The following HELQ variants were observed in gnomAD, a reference collection of about 807,000 sequenced individuals.
HELQ encodes the protein helicase, POLQ like.
A neutral mutation model predicts 111.6 loss-of-function variants in HELQ; 77 were observed. The observed-to-expected ratio is 0.69, with a 90% CI of 0.57 to 0.83. HELQ has a LOEUF of 0.83. Among genes scored for constraint, HELQ ranks in the 40% least tolerant of loss-of-function variants. The pLI, the probability that HELQ is intolerant of heterozygous loss-of-function variation, is 0.00. For synonymous variants in HELQ, 438 were observed against 454.7 expected, an observed-to-expected ratio of 0.96 and a Z score of 0.47; for missense variants, 1,200 against 1,288.5, an observed-to-expected ratio of 0.93 and a Z score of 1.05.
At chr4:83,452,040 T>C (rs1721407829) in intron 2 of HELQ, among the ~76,000 whole-genome samples, 1 of 152,232 alleles carries the variant, frequency 6.6e-6, no homozygotes, top group Non-Finnish European at 1.5e-5. Flanking sequence ...GCAGCAACTG[T>C]CCCTTCTTGG....
chr4:83,408,809 G>T (rs915787324), intron 17 of HELQ, among the ~76,000 whole-genome samples: 2 of 150,962 alleles, frequency 1.3e-5, no homozygotes, highest in African/African-American at 4.9e-5. Flanking sequence ...GGAAATAGAG[G>T]GTCTAAAATG....
chr4:83,422,564 C>T (rs1719595957), intron 14 of HELQ, among the ~76,000 whole-genome samples: 1 of 152,142 alleles, frequency 6.6e-6, no homozygotes, highest in South Asian at 2.1e-4. Context: ...ATCTATAAGC[C>T]AAGGAACACC....
chr4:83,451,223 T>C (rs1721344521), intron 2 of HELQ, among the ~76,000 whole-genome samples: 1 of 151,584 alleles, frequency 6.6e-6, no homozygotes, highest in Non-Finnish European at 1.5e-5. Context: ...GGCATGTCCT[T>C]AACACAGACT....
chr4:83,451,437 C>T (rs544792495), intron 2 of HELQ, among the ~76,000 whole-genome samples: 39 of 151,760 alleles, frequency 2.6e-4, no homozygotes, highest in African/African-American at 6.0e-4. Flanking sequence ...CTGAGGCAGG[C>T]GGATCACAAG....
chr4:83,448,727 T>G, intron 3 of HELQ, 56 bp downstream of exon 3: 3 of 1,412,734 alleles, frequency 2.1e-6, no homozygotes, highest in Non-Finnish European at 2.9e-6. Flanking sequence ...TTTACAGATC[T>G]TAACGTCAAA....
In HELQ at chr4:83,438,265, C is replaced by T. The variant is rs1720565966; in HGVS notation, c.1809-1168G>A. On this transcript the variant is annotated intron_variant, in intron 8 of 17. Coordinates refer to ENST00000295488, the MANE Select transcript of HELQ (RefSeq NM_133636.5). ...AAAGAAATCTCAGAAAATGATAAAACCACACATGGGACAAACAGGTGTATA... is the reference window on the plus strand; with the variant it reads ...AAAGAAATCTCAGAAAATGATAAAATCACACATGGGACAAACAGGTGTATA... 2.0e-5 allele frequency among the ~76,000 whole-genome samples: 3 copies of T among 152,108 alleles called. No homozygotes were observed. The South Asian group carries it at 6.2e-4, about 31-fold the overall frequency.
At position 83,453,690 on chromosome 4, in the gene HELQ, T is replaced by C. The variant is rs1481540950; in HGVS notation, c.553A>G (p.Ile185Val). The change falls in exon 2 of 18, where the codon ATT becomes GTT. Residue 185 changes from isoleucine to valine, a missense_variant. By Grantham distance (29) the Ile-to-Val change is conservative. Transcript: ENST00000295488. Reference protein sequence around the residue: ...ENQSGYEGVTIEPGADLLYDV... With the variant: ...ENQSGYEGVTVEPGADLLYDV... ...TACAAAAGATCAGCTCCAGGTTCAA[T>C]AGTGACACCTTCATATCCACTCTGG... The C allele has an allele frequency of 1.9e-6, 3 of 1,613,992 alleles. No homozygotes were observed. The highest frequency in any genetic ancestry group is 1.7e-6 in the Non-Finnish European group (2 of 1,179,942).
rs1336545434 is a variant in HELQ, at chr4:83,439,552, G to A, written c.1808+311C>T. 2.0e-5 allele frequency among the ~76,000 whole-genome samples: 3 copies of A among 151,252 alleles called. No homozygotes were observed. The East Asian group carries it at 5.9e-4, about 29-fold the overall frequency. On this transcript the variant is annotated intron_variant, in intron 8 of 17. Coordinates refer to ENST00000295488, the MANE Select transcript of HELQ (RefSeq NM_133636.5). ...TTTTTTGTATTTTTAGTAGAGATGG[G>A]GTTTCACCGTGTTGGCCAGGCTCGT...
At chr4:83,429,418 G>C (rs1409877276) in intron 12 of HELQ, 106 bp downstream of exon 12, 2 of 825,522 alleles carry the variant, frequency 2.4e-6, no homozygotes, top group Non-Finnish European at 3.8e-6. Flanking sequence ...CAGAGTGTTG[G>C]GATTACAGGC....
rs1164776702 is a variant in HELQ, at chr4:83,443,612, T to C, written c.1468A>G (p.Thr490Ala). The C allele has an allele frequency of 1.4e-6, 2 of 1,438,454 alleles. No individual in the cohort carries two copies. The highest frequency in any genetic ancestry group is 4.6e-5 in the East Asian group (2 of 43,656). The allele number at this position is 1,438,454 out of a possible 1,614,324, so 89.1% of individuals were successfully genotyped here. The change falls in exon 6 of 18, where the codon ACG (threonine) becomes GCG (alanine). Residue 490 changes from threonine (T) to alanine (A), a missense_variant and splice_region_variant. By Grantham distance (58) the Thr-to-Ala change is moderately conservative (BLOSUM62 0). Around this residue, in one of 3 missense-constraint regions of HELQ, gnomAD observed 610 missense variants for 607.1 expected, o/e 1.00. Coordinates refer to ENST00000295488, the MANE Select transcript of HELQ (RefSeq NM_133636.5). ...TLAKILYTSK[T>A]TQIIGMSATL... ...GCACTCATACCAATAATTTGAGTCG[T>C]TTCTAAAACACAAACAAACAAAAGC...
At chr4:83,434,242 G>A (rs1720324473) in intron 9 of HELQ, among the ~76,000 whole-genome samples, 1 of 151,136 alleles carries the variant, frequency 6.6e-6, no homozygotes, top group African/African-American at 2.4e-5. Flanking sequence ...GTGGTGGTGG[G>A]CGCCTGTAAT....
At position 83,455,763 on chromosome 4, in the gene HELQ, G is replaced by A; in HGVS notation, c.-70C>T. On this transcript the variant is annotated 5_prime_UTR_variant, in exon 1 of 18. Coordinates refer to ENST00000295488, the MANE Select transcript of HELQ (RefSeq NM_133636.5). Reference sequence around the variant, plus strand: ...AGACGCTAAGCCCATATGGAAGGGAGAGTGGGACGCCGGAGCCCGCTTCTA... The same window carrying A: ...AGACGCTAAGCCCATATGGAAGGGAAAGTGGGACGCCGGAGCCCGCTTCTA... 1 of 1,444,536 alleles carries A rather than the reference G, an allele frequency of 6.9e-7. No individual in the cohort carries two copies. The highest frequency in any genetic ancestry group is 1.2e-5 in the South Asian group (1 of 81,318). The allele number at this position is 1,444,536 out of a possible 1,614,324, so 89.5% of individuals were successfully genotyped here.
chr4:83,455,779 C>A lies in HELQ; in HGVS notation c.-86G>T. 1 of 1,314,118 alleles carries A rather than the reference C, an allele frequency of 7.6e-7. No individual in the cohort carries two copies. Among genetic ancestry groups the A allele is most frequent in the Non-Finnish European group, 1.1e-6 (1 of 949,194 alleles). The allele number at this position is 1,314,118 out of a possible 1,614,324, so 81.4% of individuals were successfully genotyped here. On this transcript the variant is annotated 5_prime_UTR_variant, in exon 1 of 18. Transcript: ENST00000295488. ...TGGAAGGGAGAGTGGGACGCCGGAGCCCGCTTCTACATCCACCTTGGGAAA... is the reference window on the plus strand; with the variant it reads ...TGGAAGGGAGAGTGGGACGCCGGAGACCGCTTCTACATCCACCTTGGGAAA...
At chr4:83,417,756 T>C (rs377549281) in intron 16 of HELQ, among the ~76,000 whole-genome samples, 7 of 152,102 alleles carry the variant, frequency 4.6e-5, no homozygotes, top group East Asian at 3.9e-4. Flanking sequence ...AAGCACTGAG[T>C]CCAAACTGAC....
intron 2 of HELQ, among the ~76,000 whole-genome samples, chr4:83,449,942 C>T (rs756354971): frequency 9.3e-5 from 14 of 150,052 alleles, no homozygotes; most frequent in Non-Finnish European, 1.9e-4. Flanking sequence ...TTTTCATGTA[C>T]GGTTGTGAGA....
chr4:83,454,049 C>T, intron 1 of HELQ, 104 bp from the exon 2 acceptor site: 1 of 734,966 alleles, frequency 1.4e-6, no homozygotes. Context: ...ACAGAAAATA[C>T]AAAAATTAGC....
intron 2 of HELQ, among the ~76,000 whole-genome samples, chr4:83,449,940 T>G (rs1721259408): frequency 6.6e-6 from 1 of 151,024 alleles, no homozygotes; most frequent in Admixed American, 6.6e-5. Context: ...CATTTTCATG[T>G]ACGGTTGTGA....
chr4:83,436,664 TA>T (rs1174901096), intron 9 of HELQ, among the ~76,000 whole-genome samples, 193 bp downstream of exon 9: 4 of 152,344 alleles, frequency 2.6e-5, no homozygotes, highest in East Asian at 1.9e-4. Context: ...CTATTAACGT[TA>T]TTTTTCATTA....
intron 9 of HELQ, among the ~76,000 whole-genome samples, chr4:83,432,936 T>C (rs532249609): frequency 2.3e-4 from 35 of 152,194 alleles, no homozygotes; most frequent in African/African-American, 8.0e-4. Context: ...AGTGTGCCCC[T>C]GTAGTCCCAG....
Sources: allele counts gnomAD v4.1 joint callset (sites outside exome capture counted in the v4.1 genomes callset), GRCh38; gene constraint gnomAD v4.1.1; regional missense constraint gnomAD v4.1.1; transcripts MANE v1.5; gene names NCBI Gene and HGNC (gene_info 2026-07-23, HGNC 2026-07-21).